Variants in TBX5 observed in about 807,000 individuals in gnomAD.
TBX5 encodes the protein T-box transcription factor 5, also known as T-box transcription factor TBX5.
A neutral mutation model predicts 51.1 loss-of-function variants in TBX5; 8 were observed. The ratio of observed to expected loss-of-function variants is 0.16; its 90% CI spans 0.09 to 0.28. TBX5 has a LOEUF of 0.28. Among genes scored for constraint, TBX5 ranks in the 10% least tolerant of loss-of-function variants. The pLI is 1.00. For missense variants in TBX5, 589 were observed against 671.7 expected (o/e 0.88, Z 1.36); for synonymous variants, 302 against 266.4 (o/e 1.13, Z -1.30).
At chr12:114,370,626 G>A (rs1007082661) in intron 7 of TBX5, among the ~76,000 whole-genome samples, 1 of 144,930 alleles carries the variant, frequency 6.9e-6, no homozygotes, top group Admixed American at 6.8e-5. Flanking sequence ...TTAGAGTGGG[G>A]GATGATCTCT....
Position 114,402,642 on chromosome 12 carries a change from C to T in TBX5, c.148-722G>A, listed in dbSNP as rs141404432. Among the ~76,000 whole-genome samples the T allele has an allele frequency of 9.3e-3, 1,414 of 152,250 alleles. 23 individuals carry two copies. Among genetic ancestry groups the T allele is most frequent in the African/African-American group, 0.025 (1,019 of 41,522 alleles). ...CCAGCTATTTTGATTATAGGACACG[C>T]CTGATGCCATTTAACATTTTGGCTT... On this transcript the variant is annotated intron_variant, in intron 2 of 8. Coordinates refer to ENST00000405440, the MANE Select transcript of TBX5 (RefSeq NM_181486.4).
intron 5 of TBX5, among the ~76,000 whole-genome samples, chr12:114,396,593 C>G (rs549571914): frequency 4.6e-5 from 7 of 152,204 alleles, no homozygotes; most frequent in African/African-American, 1.7e-4. Flanking sequence ...GGCATCCGCC[C>G]TAGAGAGACC....
At chr12:114,374,772 G>A (rs1870102451) in intron 7 of TBX5, among the ~76,000 whole-genome samples, 1 of 152,182 alleles carries the variant, frequency 6.6e-6, no homozygotes, top group Non-Finnish European at 1.5e-5. Context: ...AAATACAGGA[G>A]TGTGAACAAA....
At position 114,355,652 on chromosome 12, in the gene TBX5, A is replaced by T; in HGVS notation, c.1437T>A (p.Pro479=). The T allele has an allele frequency of 6.2e-7, 1 of 1,613,902 alleles. No homozygotes were observed. Among genetic ancestry groups the T allele is most frequent in the Non-Finnish European group, 8.5e-7 (1 of 1,180,020 alleles). Reference sequence around the variant, plus strand: ...GGAACTCAGGGGGCTGAAGGGTGCCAGGGGACTGCAGGCCAGTCTGAGGCC... The same window carrying T: ...GGAACTCAGGGGGCTGAAGGGTGCCTGGGGACTGCAGGCCAGTCTGAGGCC... The part of the protein sequence containing the change: ...QCGPQTGLQS[P]GTLQPPEFLY... Residue 479 remains proline (P), a synonymous_variant, in exon 9 of 9, where the codon CCT becomes CCA. Transcript: ENST00000405440.
At chr12:114,362,709 G>A (rs1869308489) in intron 8 of TBX5, among the ~76,000 whole-genome samples, 1 of 151,954 alleles carries the variant, frequency 6.6e-6, no homozygotes, top group Non-Finnish European at 1.5e-5. Flanking sequence ...CTGTCACACA[G>A]GCTGGAGTGC....
At chr12:114,366,017 A>T in intron 8 of TBX5, 148 bp downstream of exon 8, 2 of 965,314 alleles carry the variant, frequency 2.1e-6, no homozygotes, top group South Asian at 1.4e-5. Flanking sequence ...TGTTTGGTTT[A>T]AATTTCTTAT....
chr12:114,382,227 C>T (rs2136393698), intron 7 of TBX5, among the ~76,000 whole-genome samples: 1 of 152,234 alleles, frequency 6.6e-6, no homozygotes, highest in East Asian at 1.9e-4. Flanking sequence ...AGCCAGAAGA[C>T]CACCTGAGCC....
chr12:114,401,575 C>T (rs1565942309), intron 3 of TBX5, among the ~76,000 whole-genome samples: 1 of 152,126 alleles, frequency 6.6e-6, no homozygotes. Context: ...GGAGAAATGC[C>T]CAGTTTCCGG....
chr12:114,370,920 A>G (rs1869866601), intron 7 of TBX5, among the ~76,000 whole-genome samples: 1 of 152,016 alleles, frequency 6.6e-6, no homozygotes, highest in Non-Finnish European at 1.5e-5. Flanking sequence ...ATAGCCTTCT[A>G]TCCCTCATAC....
Position 114,385,515 on chromosome 12 carries a change from C to T in TBX5, c.716G>A (p.Ser239Asn). 3 of 1,614,204 alleles carry T rather than the reference C, an allele frequency of 1.9e-6. No individual in the cohort carries two copies. The highest frequency in any genetic ancestry group is 1.6e-4 in the Middle Eastern group (1 of 6,062). The change falls in exon 7 of 9, where the codon AGT (serine) becomes AAT (asparagine). Residue 239 changes from serine to asparagine, a missense_variant. By Grantham distance (46) the Ser-to-Asn change is conservative. Coordinates refer to ENST00000405440, the MANE Select transcript of TBX5 (RefSeq NM_181486.4). ...CATTCTGTGCAGCTCCATGTCATCA[C>T]TGCCCCGAAATCCTTTGGCAAAGGG... ...NNPFAKGFRGSDDMELHRMSR... is the reference protein window; with the variant it reads ...NNPFAKGFRGNDDMELHRMSR...
chr12:114,359,955 T>C (rs1293326078), intron 8 of TBX5, among the ~76,000 whole-genome samples: 1 of 152,226 alleles, frequency 6.6e-6, no homozygotes, highest in African/African-American at 2.4e-5. Flanking sequence ...GAAGACTGGA[T>C]AGATAGCTTT....
At chr12:114,365,668 C>T (rs1869478836) in intron 8 of TBX5, among the ~76,000 whole-genome samples, 1 of 151,712 alleles carries the variant, frequency 6.6e-6, no homozygotes, top group Admixed American at 6.6e-5. Flanking sequence ...GTCTCTACAA[C>T]AACAACAAAA....
At chr12:114,373,027 G>A (rs1870002793) in intron 7 of TBX5, among the ~76,000 whole-genome samples, 1 of 147,966 alleles carries the variant, frequency 6.8e-6, no homozygotes, top group South Asian at 2.2e-4. Context: ...CACACACTGG[G>A]GACACATTGC....
rs909601740 is a variant in TBX5, at chr12:114,403,686, C to G, written c.147+66G>C. On this transcript the variant is annotated intron_variant, in intron 2 of 8. Coordinates refer to ENST00000405440, the MANE Select transcript of TBX5 (RefSeq NM_181486.4). ...TTTGTTCTGTCCCCGCAAGAGAAGC[C>G]GAGCAGGAAAGCCAGACTCTGACTT... 6.3e-6 allele frequency: 10 copies of G among 1,585,000 alleles called. No homozygotes were observed. The East Asian group carries it at 2.2e-4, about 36-fold the overall frequency.
intron 8 of TBX5, among the ~76,000 whole-genome samples, chr12:114,360,223 C>A (rs1341515079): frequency 6.6e-6 from 1 of 152,176 alleles, no homozygotes; most frequent in Non-Finnish European, 1.5e-5. Flanking sequence ...TTCAGGTCTT[C>A]TGACTCACAA....
intron 5 of TBX5, among the ~76,000 whole-genome samples, chr12:114,397,148 C>T (rs535820410): frequency 2.6e-5 from 4 of 152,292 alleles, no homozygotes; most frequent in Middle Eastern, 6.8e-3. Context: ...CATCCTCCCC[C>T]GCCCCCTTGA....
chr12:114,407,930 G>T, upstream of TBX5: 19 of 985,410 alleles, frequency 1.9e-5, no homozygotes, highest in Non-Finnish European at 2.3e-5. Context: ...TTTAGGCCAG[G>T]TCTTCTTCCA....
chr12:114,371,920 C>A (rs2136381663), intron 7 of TBX5, among the ~76,000 whole-genome samples: 1 of 152,218 alleles, frequency 6.6e-6, no homozygotes, highest in Admixed American at 6.5e-5. Context: ...TCACTGGCTT[C>A]TTCAAGTCTG....
chr12:114,391,416 C>T (rs1230918256), intron 6 of TBX5, among the ~76,000 whole-genome samples: 1 of 152,070 alleles, frequency 6.6e-6, no homozygotes, highest in Non-Finnish European at 1.5e-5. Context: ...ATGGAGTCGC[C>T]CTGTTAATAA....
Sources: gnomAD v4.1 joint callset for allele counts (sites outside exome capture counted in the v4.1 genomes callset) on GRCh38, gnomAD v4.1.1 for gene constraint, MANE v1.5 for transcripts, NCBI Gene and HGNC (gene_info 2026-07-23, HGNC 2026-07-21) for gene names.